Variants in NLGN1 observed in about 807,000 individuals in gnomAD.
NLGN1 encodes the protein neuroligin-1.
Under a neutral mutation model 65.5 loss-of-function variants are expected in NLGN1, and 12 were observed. That is an observed-to-expected ratio of 0.18 (90% confidence interval 0.12 to 0.30). The LOEUF (loss-of-function observed/expected upper bound fraction) is 0.30. NLGN1 is among the 10% of genes least tolerant of loss of function. NLGN1 has a pLI of 1.00. For missense variants in NLGN1, 750 were observed against 1,007.1 expected (o/e 0.74, Z 3.46); for synonymous variants, 350 against 359.5 (o/e 0.97, Z 0.30).
chr3:174,022,114 T>C (rs978011459), intron 4 of NLGN1, among the ~76,000 whole-genome samples: 1 of 152,130 alleles, frequency 6.6e-6, no homozygotes, highest in Non-Finnish European at 1.5e-5. Context: ...CTCCATTATC[T>C]CTCTGGGTTT....
chr3:173,978,571 A>G (rs931484055), intron 4 of NLGN1, among the ~76,000 whole-genome samples: 2 of 152,022 alleles, frequency 1.3e-5, no homozygotes, highest in African/African-American at 2.4e-5. Context: ...CACATGGAAT[A>G]GTCAATTAAT....
chr3:173,487,507 A>G (rs599071), intron 2 of NLGN1, among the ~76,000 whole-genome samples: 15,679 of 151,874 alleles, frequency 0.1, 919 homozygotes, highest in Admixed American at 0.18. Context: ...TAAATCTTCC[A>G]TGTCTTAGTA....
chr3:173,756,457 G>A lies in NLGN1; in HGVS notation c.494-51223G>A, dbSNP rs1308239742. On this transcript the variant is annotated intron_variant, in intron 3 of 6. Coordinates refer to ENST00000457714, the Ensembl canonical transcript of NLGN1. ...AAAAAAATTAAACCTTTTCAGGGTA[G>A]AGAGCTGCAAAATTATAAATATAAT... is the stretch of plus-strand genomic sequence containing the variant. Among the ~76,000 whole-genome samples the A allele has an allele frequency of 2.0e-5, 3 of 151,864 alleles. No individual in the cohort carries two copies. The East Asian group carries it at 5.8e-4, about 29-fold the overall frequency.
chr3:173,403,434 C>A (rs900228641), intron 1 of NLGN1, among the ~76,000 whole-genome samples: 1 of 152,034 alleles, frequency 6.6e-6, no homozygotes, highest in African/African-American at 2.4e-5. Flanking sequence ...AATGACTGAA[C>A]CCTTTGGCCA....
At chr3:173,805,429 T>C (rs539544205) in intron 3 of NLGN1, among the ~76,000 whole-genome samples, 1 of 152,334 alleles carries the variant, frequency 6.6e-6, no homozygotes, top group African/African-American at 2.4e-5. Flanking sequence ...CTTTTAAGTC[T>C]AATTTTCAAA....
intron 1 of NLGN1, among the ~76,000 whole-genome samples, chr3:173,420,476 AT>A (rs533258545): frequency 0.017 from 2,557 of 152,148 alleles, 70 homozygotes; most frequent in African/African-American, 0.058. Context: ...CCAGTCTATC[AT>A]TGTTGGACAT....
chr3:173,427,346 A>G (rs1021532859), intron 1 of NLGN1, among the ~76,000 whole-genome samples: 23 of 151,608 alleles, frequency 1.5e-4, no homozygotes, highest in African/African-American at 5.6e-4. Context: ...TTTTCCTTCT[A>G]TGAATTTTCA....
intron 5 of NLGN1, among the ~76,000 whole-genome samples, chr3:174,278,618 C>CTCTT (rs1019678960): frequency 6.6e-6 from 1 of 151,928 alleles, no homozygotes; most frequent in Admixed American, 6.6e-5. Context: ...TGCCTACTAC[C>CTCTT]TCTTTGAGGC....
At chr3:173,571,345 A>G (rs1480782907) in intron 2 of NLGN1, among the ~76,000 whole-genome samples, 1 of 152,198 alleles carries the variant, frequency 6.6e-6, no homozygotes, top group Non-Finnish European at 1.5e-5. Flanking sequence ...AATGACTGTT[A>G]TTCTTAAGGA....
intron 4 of NLGN1, among the ~76,000 whole-genome samples, chr3:174,161,878 T>C (rs7618595): frequency 0.28 from 41,760 of 151,586 alleles, 7,402 homozygotes; most frequent in African/African-American, 0.51. Context: ...TTGAAAGAAA[T>C]CATAAATGTC....
intron 4 of NLGN1, among the ~76,000 whole-genome samples, chr3:174,163,399 A>T (rs7619797): frequency 2.0e-5 from 3 of 151,726 alleles, no homozygotes; most frequent in African/African-American, 4.8e-5. Flanking sequence ...ACCTTGAAGG[A>T]TTTTTTTAGT....
intron 2 of NLGN1, among the ~76,000 whole-genome samples, chr3:173,554,466 T>C (rs556133824): frequency 5.2e-4 from 79 of 152,212 alleles, no homozygotes; most frequent in African/African-American, 1.8e-3. Context: ...CCATTGTGCA[T>C]TTTTTTCTCA....
At chr3:173,986,656 G>T (rs75578885) in intron 4 of NLGN1, among the ~76,000 whole-genome samples, 2,326 of 152,192 alleles carry the variant, frequency 0.015, 28 homozygotes, top group Non-Finnish European at 0.02. Flanking sequence ...ATAAATTTCT[G>T]TTCTTTAGGC....
At position 174,020,640 on chromosome 3, in the gene NLGN1, C is replaced by T. The variant is rs553763299; in HGVS notation, c.646+212808C>T. On this transcript the variant is annotated intron_variant, in intron 4 of 6. Transcript: ENST00000457714. ...GATTAATTTTATATTATATTGGAGT[C>T]ATTCACTAATGCAAATGGTAATTTG... is the stretch of plus-strand genomic sequence containing the variant. 2.6e-5 allele frequency among the ~76,000 whole-genome samples: 4 copies of T among 152,142 alleles called. No homozygotes were observed. In the South Asian group the frequency reaches 8.3e-4, roughly 31 times the overall value.
At chr3:173,487,669 G>A (rs550240862) in intron 2 of NLGN1, among the ~76,000 whole-genome samples, 5 of 151,968 alleles carry the variant, frequency 3.3e-5, no homozygotes, top group Admixed American at 1.3e-4. Flanking sequence ...AAGTATTATT[G>A]TTTTCCTAGT....
At chr3:173,866,221 G>GA (rs1385586902) in intron 4 of NLGN1, among the ~76,000 whole-genome samples, 5 of 152,134 alleles carry the variant, frequency 3.3e-5, no homozygotes, top group Admixed American at 1.3e-4. Flanking sequence ...TTAGGAGCAG[G>GA]CATTTGAAAA....
At chr3:174,182,016 A>G (rs1730536855) in intron 4 of NLGN1, among the ~76,000 whole-genome samples, 1 of 151,378 alleles carries the variant, frequency 6.6e-6, no homozygotes, top group African/African-American at 2.4e-5. Context: ...GTCTCCGAAT[A>G]AACTTGGACT....
At chr3:174,092,020 A>G (rs1422606737) in intron 4 of NLGN1, among the ~76,000 whole-genome samples, 1 of 152,218 alleles carries the variant, frequency 6.6e-6, no homozygotes, top group Non-Finnish European at 1.5e-5. Context: ...ACATATAAAG[A>G]TAAATATGTC....
In NLGN1 at chr3:173,748,120, C is replaced by T. The variant is rs149165913; in HGVS notation, c.494-59560C>T. 3.8e-4 allele frequency among the ~76,000 whole-genome samples: 57 copies of T among 151,872 alleles called. No homozygotes were observed. In the East Asian group the frequency reaches 9.3e-3, roughly 25 times the overall value. On this transcript the variant is annotated intron_variant, in intron 3 of 6. Coordinates refer to ENST00000457714, the Ensembl canonical transcript of NLGN1. ...TGGCCTGAAAACATATATTTAGGAGCGTAAAATCTAGTAAATATTATTTGT... is the reference window on the plus strand; with the variant it reads ...TGGCCTGAAAACATATATTTAGGAGTGTAAAATCTAGTAAATATTATTTGT...
Sources: allele counts gnomAD v4.1 joint callset (sites outside exome capture counted in the v4.1 genomes callset), GRCh38; gene constraint gnomAD v4.1.1; transcripts MANE v1.5; gene names NCBI Gene and HGNC (gene_info 2026-07-23, HGNC 2026-07-21).